The following URI1 variants were observed in gnomAD, a reference collection of about 807,000 sequenced individuals.
URI1 encodes the protein unconventional prefoldin RPB5 interactor 1.
URI1 carries 39 observed loss-of-function variants against 60.2 expected under a neutral mutation model. The ratio of observed to expected loss-of-function variants is 0.65; its 90% CI spans 0.50 to 0.85. URI1 has a LOEUF of 0.85. Ranked by LOEUF, URI1 falls within the 40% of genes least tolerant of loss-of-function variation. URI1 has a pLI of 0.00. For missense variants in URI1, 691 were observed against 665.9 expected (o/e 1.04, Z -0.42); for synonymous variants, 251 against 236.8 (o/e 1.06, Z -0.55).
intron 4 of URI1, among the ~76,000 whole-genome samples, chr19:30,001,981 G>A (rs1410832625): frequency 6.6e-6 from 1 of 151,986 alleles, no homozygotes; most frequent in Non-Finnish European, 1.5e-5. Flanking sequence ...AGGTTTGTGA[G>A]TATTTCCACC....
At chr19:29,973,958 T>C (rs2055490326) in intron 2 of URI1, among the ~76,000 whole-genome samples, 1 of 152,188 alleles carries the variant, frequency 6.6e-6, no homozygotes, top group South Asian at 2.1e-4. Context: ...CCACACACTG[T>C]TACCTCCTTA....
chr19:29,932,846 T>C (rs2054934384), intron 1 of URI1, among the ~76,000 whole-genome samples: 2 of 150,730 alleles, frequency 1.3e-5, no homozygotes, highest in African/African-American at 4.9e-5. Context: ...AGAGACAGAA[T>C]TTCACCATGT....
chr19:30,012,968 A>G (rs1172760065), intron 10 of URI1: 1 of 155,532 alleles, frequency 6.4e-6, no homozygotes, highest in African/African-American at 2.4e-5. Flanking sequence ...TTTACCTTGT[A>G]CCAGTGAAAC....
upstream of URI1, among the ~76,000 whole-genome samples, chr19:29,939,095 A>C (rs1261000253): frequency 6.6e-6 from 1 of 150,746 alleles, no homozygotes; most frequent in Non-Finnish European, 1.5e-5. Context: ...CTCCTGCCTC[A>C]GCCTCCCCAG....
Position 30,011,066 on chromosome 19 carries a change from TTCTTAATTTCTTGC to T in URI1, c.1036-24_1036-11del, listed in dbSNP as rs1568447933. On this transcript the variant is annotated splice_polypyrimidine_tract_variant and intron_variant, in intron 8 of 10. Coordinates refer to ENST00000392271, the MANE Select transcript of URI1 (RefSeq NM_003796.3). ...CACTTTGATTTAATTTGTCAAAAGA[TTCTTAATTTCTTGC>T]TCTGAAATTTTAGGTCCGAATAAAT... is the stretch of plus-strand genomic sequence containing the variant. The T allele has an allele frequency of 3.1e-6, 5 of 1,591,684 alleles. No homozygotes were observed. The highest frequency in any genetic ancestry group is 4.3e-6 in the Non-Finnish European group (5 of 1,172,766).
At chr19:29,947,512 C>T (rs1162789167) in intron 1 of URI1, among the ~76,000 whole-genome samples, 1 of 152,210 alleles carries the variant, frequency 6.6e-6, no homozygotes, top group Non-Finnish European at 1.5e-5. Flanking sequence ...CTGCTTCAGT[C>T]TTTACCACCA....
At chr19:29,953,120 T>A (rs1285276308) in intron 1 of URI1, among the ~76,000 whole-genome samples, 1 of 152,232 alleles carries the variant, frequency 6.6e-6, no homozygotes, top group African/African-American at 2.4e-5. Context: ...AGGCTCATAA[T>A]CTGAGATTTA....
intron 4 of URI1, among the ~76,000 whole-genome samples, chr19:30,001,607 C>G (rs576637363): frequency 1.3e-5 from 2 of 151,946 alleles, no homozygotes; most frequent in Middle Eastern, 3.4e-3. Flanking sequence ...AAACTTTTAT[C>G]TAGATCTTTG....
At chr19:29,996,996 C>T (rs895467859) in intron 4 of URI1, among the ~76,000 whole-genome samples, 1 of 152,022 alleles carries the variant, frequency 6.6e-6, no homozygotes, top group Non-Finnish European at 1.5e-5. Context: ...TAATGTGCTA[C>T]CGTATTTAGT....
chr19:29,959,454 G>A (rs1451287568), intron 1 of URI1, among the ~76,000 whole-genome samples: 1 of 152,266 alleles, frequency 6.6e-6, no homozygotes, highest in East Asian at 1.9e-4. Flanking sequence ...TTAAATGTTT[G>A]GAAGAGTTCA....
chr19:29,927,637 C>T (rs180710189), intron 1 of URI1, among the ~76,000 whole-genome samples: 29 of 125,574 alleles, frequency 2.3e-4, no homozygotes, highest in Non-Finnish European at 3.6e-4. Context: ...AGTGCAATGG[C>T]GTGATCTCAG....
chr19:29,953,210 T>C (rs1377084695), intron 1 of URI1, among the ~76,000 whole-genome samples: 1 of 152,228 alleles, frequency 6.6e-6, no homozygotes, highest in East Asian at 1.9e-4. Flanking sequence ...GTGGCTATTA[T>C]ACTTAAATTC....
intron 4 of URI1, among the ~76,000 whole-genome samples, chr19:29,998,037 G>A (rs543696152): frequency 3.0e-4 from 45 of 152,138 alleles, no homozygotes; most frequent in African/African-American, 9.6e-4. Flanking sequence ...AGTGCTGGGA[G>A]CCACTGTGCC....
At chr19:29,956,396 G>T in intron 1 of URI1, 4 of 1,480,072 alleles carry the variant, frequency 2.7e-6, no homozygotes, top group Non-Finnish European at 2.8e-6. Context: ...TTCTGTAGCT[G>T]GATAACTCTT....
At chr19:30,001,412 G>A (rs568580554) in intron 4 of URI1, among the ~76,000 whole-genome samples, 9 of 151,736 alleles carry the variant, frequency 5.9e-5, no homozygotes, top group Admixed American at 1.3e-4. Context: ...CAGGCTGGGC[G>A]TTTCAAGGTT....
chr19:29,974,461 A>T (rs1321274485), intron 2 of URI1, among the ~76,000 whole-genome samples: 1 of 152,224 alleles, frequency 6.6e-6, no homozygotes, highest in Non-Finnish European at 1.5e-5. Flanking sequence ...TTTCAAATGA[A>T]AGGTGATAGA....
chr19:30,003,010 T>C (rs2055896947), intron 4 of URI1, among the ~76,000 whole-genome samples: 1 of 151,958 alleles, frequency 6.6e-6, no homozygotes, highest in Non-Finnish European at 1.5e-5. Context: ...TAAAATAAAT[T>C]TTTGGAGAAT....
exon 1 of URI1, chr19:29,923,752 T>C: frequency 1.3e-6 from 2 of 1,536,632 alleles, no homozygotes; most frequent in South Asian, 1.2e-5. Flanking sequence ...GGCATATGCA[T>C]TGGTGAGTTG....
intron 2 of URI1, among the ~76,000 whole-genome samples, chr19:29,974,491 T>C (rs1022226786): frequency 6.6e-6 from 1 of 152,226 alleles, no homozygotes; most frequent in African/African-American, 2.4e-5. Flanking sequence ...TGAATCCTCA[T>C]GTACTCATCA....
Sources: allele counts gnomAD v4.1 joint callset (sites outside exome capture counted in the v4.1 genomes callset), GRCh38; gene constraint gnomAD v4.1.1; transcripts MANE v1.5; gene names NCBI Gene and HGNC (gene_info 2026-07-23, HGNC 2026-07-21).